The following DCC variants were observed in gnomAD, a reference collection of about 807,000 sequenced individuals.
DCC encodes DCC netrin 1 receptor.
A neutral mutation model predicts 172.5 loss-of-function variants in DCC; 58 were observed. The ratio of observed to expected loss-of-function variants is 0.34; its 90% CI spans 0.27 to 0.42. The LOEUF (loss-of-function observed/expected upper bound fraction) is 0.42, where lower values mean the gene tolerates loss of function less well. Ranked by LOEUF, DCC falls within the 10% of genes least tolerant of loss-of-function variation. The pLI is 1.00. For missense variants in DCC, 1,740 were observed against 1,791.0 expected (o/e 0.97, Z 0.51); for synonymous variants, 709 against 644.5 (o/e 1.10, Z -1.52).
At chr18:52,437,060 C>T (rs1169077132) in intron 1 of DCC, among the ~76,000 whole-genome samples, 1 of 152,186 alleles carries the variant, frequency 6.6e-6, no homozygotes, top group African/African-American at 2.4e-5. Context: ...CCTGTAAAGG[C>T]TAAATCTTAC....
intron 3 of DCC, among the ~76,000 whole-genome samples, chr18:52,910,599 G>A (rs2039958381): frequency 6.6e-6 from 1 of 152,140 alleles, no homozygotes; most frequent in African/African-American, 2.4e-5. Flanking sequence ...AGCCATTGTG[G>A]TTGTCAAGTT....
At chr18:52,872,921 A>T (rs1459056396) in intron 2 of DCC, among the ~76,000 whole-genome samples, 1 of 152,186 alleles carries the variant, frequency 6.6e-6, no homozygotes, top group Non-Finnish European at 1.5e-5. Flanking sequence ...AGAAATACAA[A>T]TTATAAAAAA....
At position 52,850,261 on chromosome 18, in the gene DCC, G is replaced by C. The variant is rs141316360; in HGVS notation, c.413-55783G>C. On this transcript the variant is annotated intron_variant, in intron 2 of 28. Transcript: ENST00000442544. ...TCACTCCCAGTTCTTCGGAAGTAAA[G>C]TTAATTAATCTGGAAGCACATCGTT... is the stretch of plus-strand genomic sequence containing the variant. Among the ~76,000 whole-genome samples the C allele has an allele frequency of 1.2e-3, 183 of 152,274 alleles. 1 individual carries two copies. Among genetic ancestry groups the C allele is most frequent in the Non-Finnish European group, 2.4e-3 (162 of 67,992 alleles).
Position 52,906,246 on chromosome 18 carries a change from G to C in DCC, c.615G>C (p.Gly205=), listed in dbSNP as rs772791992. 5.5e-5 allele frequency: 88 copies of C among 1,613,896 alleles called. No homozygotes were observed. Among genetic ancestry groups the C allele is most frequent in the Non-Finnish European group, 6.9e-5 (82 of 1,180,026 alleles). Residue 205 remains glycine, a synonymous_variant, in exon 3 of 29, where the codon GGG becomes GGC. Coordinates refer to ENST00000442544, the MANE Select transcript of DCC (RefSeq NM_005215.4). ...GALQISRLQP[G]DIGIYRCSAR... ...TGCAGATCAGCCGACTCCAACCGGG[G>C]GACATTGGAATTTACCGATGCTCAG...
At chr18:53,364,044 T>C (rs1294437156) in intron 15 of DCC, among the ~76,000 whole-genome samples, 4 of 152,194 alleles carry the variant, frequency 2.6e-5, no homozygotes, top group African/African-American at 9.6e-5. Context: ...GTTTGGAGTT[T>C]AATGCCATAA....
chr18:53,399,210 G>C (rs1010454), intron 18 of DCC, among the ~76,000 whole-genome samples: 1 of 151,918 alleles, frequency 6.6e-6, no homozygotes, highest in Admixed American at 6.6e-5. Context: ...GGCTGTAGAA[G>C]TGAGGAACTG....
intron 1 of DCC, among the ~76,000 whole-genome samples, chr18:52,557,024 A>T (rs1026355533): frequency 2.0e-5 from 3 of 152,230 alleles, no homozygotes; most frequent in Non-Finnish European, 2.9e-5. Context: ...TAGCACGGTA[A>T]GGATAACTTT....
intron 2 of DCC, among the ~76,000 whole-genome samples, chr18:52,891,928 G>A (rs1022398517): frequency 5.9e-5 from 9 of 152,020 alleles, no homozygotes; most frequent in African/African-American, 2.2e-4. Flanking sequence ...CAGCCAGAAT[G>A]ATCTTCCAGA....
chr18:52,828,987 T>A (rs1167195075), intron 2 of DCC, among the ~76,000 whole-genome samples: 1 of 152,226 alleles, frequency 6.6e-6, no homozygotes, highest in Non-Finnish European at 1.5e-5. Context: ...TATGGTCAGG[T>A]AATGAAATAT....
intron 3 of DCC, 62 bp downstream of exon 3, chr18:52,906,390 T>C: frequency 8.4e-6 from 13 of 1,551,756 alleles, no homozygotes; most frequent in African/African-American, 1.4e-5. Context: ...GAAAAACAAT[T>C]TTTTTCTTTA....
intron 12 of DCC, among the ~76,000 whole-genome samples, chr18:53,222,468 T>C (rs942471425): frequency 4.2e-5 from 6 of 143,576 alleles, no homozygotes; most frequent in Non-Finnish European, 9.0e-5. Flanking sequence ...CACTGCAACC[T>C]CTGCCTTCTG....
At chr18:52,531,951 T>C (rs189834697) in intron 1 of DCC, among the ~76,000 whole-genome samples, 88 of 152,324 alleles carry the variant, frequency 5.8e-4, no homozygotes, top group African/African-American at 1.9e-3. Context: ...CACTATCTTA[T>C]GCAACTATTG....
chr18:52,791,240 A>C (rs1196047816), intron 2 of DCC, among the ~76,000 whole-genome samples: 1 of 152,214 alleles, frequency 6.6e-6, no homozygotes, highest in Non-Finnish European at 1.5e-5. Context: ...AAGGTCTAGC[A>C]AAAAGGCAAT....
chr18:52,970,442 A>G (rs1416169480), intron 5 of DCC, among the ~76,000 whole-genome samples: 2 of 152,276 alleles, frequency 1.3e-5, no homozygotes, highest in South Asian at 2.1e-4. Context: ...CAAAATTATC[A>G]CATAATATAT....
In DCC at chr18:53,530,928, A is replaced by T; in HGVS notation, c.*275A>T. 1 of 537,262 alleles carries T rather than the reference A, an allele frequency of 1.9e-6. No homozygotes were observed. The highest frequency in any genetic ancestry group is 3.4e-5 in the East Asian group (1 of 29,378). 33.3% of individuals were successfully genotyped at this position (537,262 alleles called of 1,614,324 possible). A position where few individuals can be genotyped will look rare whatever the true frequency, so the allele number is the denominator to read the frequency against. On this transcript the variant is annotated 3_prime_UTR_variant, in exon 29 of 29. Transcript: ENST00000442544. ...CAAAGTTTAAGCTGCTAGAATAGTC[A>T]TGGGCCTTTGTCACTGCAGTGACCA...
At chr18:52,859,869 G>A (rs1379612240) in intron 2 of DCC, among the ~76,000 whole-genome samples, 1 of 152,170 alleles carries the variant, frequency 6.6e-6, no homozygotes, top group Non-Finnish European at 1.5e-5. Flanking sequence ...GGTAGCTTTG[G>A]AGAAATTTGG....
intron 15 of DCC, among the ~76,000 whole-genome samples, chr18:53,367,310 CAATAA>C (rs1282187616): frequency 6.6e-6 from 1 of 151,888 alleles, no homozygotes; most frequent in African/African-American, 2.4e-5. Flanking sequence ...AAGAGACGTT[CAATAA>C]AATAAAATTC....
intron 7 of DCC, among the ~76,000 whole-genome samples, chr18:53,071,219 T>A (rs1374961906): frequency 6.6e-6 from 1 of 152,242 alleles, no homozygotes; most frequent in African/African-American, 2.4e-5. Flanking sequence ...TATAGTTACC[T>A]ATTCCCTCTT....
intron 5 of DCC, among the ~76,000 whole-genome samples, chr18:53,023,726 A>T (rs1272590111): frequency 2.0e-5 from 3 of 152,132 alleles, no homozygotes; most frequent in African/African-American, 7.2e-5. Context: ...TTATAATAAT[A>T]ATATAGAGTT....
Sources: allele counts gnomAD v4.1 joint callset (sites outside exome capture counted in the v4.1 genomes callset), GRCh38; gene constraint gnomAD v4.1.1; transcripts MANE v1.5; gene names NCBI Gene and HGNC (gene_info 2026-07-23, HGNC 2026-07-21).